Variants in POLN observed in about 807,000 individuals in gnomAD.
The protein encoded by POLN is DNA polymerase nu, also known as DNA polymerase N.
POLN carries 108 observed loss-of-function variants against 113.5 expected under a neutral mutation model. The ratio of observed to expected loss-of-function variants is 0.95; its 90% CI spans 0.81 to 1.12. POLN has a LOEUF of 1.12. Among genes scored for constraint, POLN ranks in the 50% most tolerant of loss-of-function variants. POLN has a pLI of 0.00. For synonymous variants in POLN, 386 were observed against 391.5 expected (o/e 0.99, Z 0.17); for missense variants, 1,097 against 1,077.1 (o/e 1.02, Z -0.26).
intron 7 of POLN, among the ~76,000 whole-genome samples, chr4:2,185,102 C>T (rs931924552): frequency 3.9e-5 from 6 of 152,104 alleles, no homozygotes; most frequent in African/African-American, 1.2e-4. Context: ...TAAATATCAC[C>T]ATGTTGCAAT....
In POLN at chr4:2,090,464, G is replaced by A. The variant is rs1312322360; in HGVS notation, c.2066-4720C>T. The A allele has an allele frequency of 2.1e-5, 12 of 561,584 alleles. No homozygotes were observed. The East Asian group carries it at 3.5e-4, about 16-fold the overall frequency. 34.8% of individuals were successfully genotyped at this position (561,584 alleles called of 1,614,324 possible). A position where few individuals can be genotyped will look rare whatever the true frequency, so the allele number is the denominator to read the frequency against. ...TCTTCATGATCGTATTCTTCTATAG[G>A]CTCAACGGAAGGTTTGTCACGCTGT... On this transcript the variant is annotated intron_variant, in intron 20 of 25. Transcript: ENST00000511885.
intron 16 of POLN, among the ~76,000 whole-genome samples, chr4:2,154,657 G>A (rs911014251): frequency 2.0e-5 from 3 of 152,148 alleles, no homozygotes; most frequent in African/African-American, 7.2e-5. Context: ...TTGCACTATA[G>A]AAATCAACAG....
chr4:2,179,546 A>G lies in POLN; in HGVS notation c.1022-81T>C, dbSNP rs1733081926. On this transcript the variant is annotated intron_variant, in intron 7 of 25. Coordinates refer to ENST00000511885, the MANE Select transcript of POLN (RefSeq NM_181808.4). Reference sequence around the variant, plus strand: ...TGCTTTGACAAAGTTCTTAAGTTCAAACGAATAGTAGTAGTATTGTCATCC... The same window carrying G: ...TGCTTTGACAAAGTTCTTAAGTTCAGACGAATAGTAGTAGTATTGTCATCC... 5 of 1,330,796 alleles carry G rather than the reference A, an allele frequency of 3.8e-6. No homozygotes were observed. In the South Asian group the frequency reaches 6.3e-5, roughly 17 times the overall value. 82.4% of individuals were successfully genotyped at this position (1,330,796 alleles called of 1,614,324 possible).
chr4:2,084,065 G>C (rs943405690), intron 21 of POLN, among the ~76,000 whole-genome samples: 1 of 152,178 alleles, frequency 6.6e-6, no homozygotes, highest in Non-Finnish European at 1.5e-5. Context: ...TGGCTCCTGA[G>C]CTTTTGATGC....
chr4:2,089,544 G>C, intron 20 of POLN: 1 of 1,210,718 alleles, frequency 8.3e-7, no homozygotes, highest in Non-Finnish European at 1.2e-6. Context: ...TGTAATTCTT[G>C]GCACTTTGTT....
chr4:2,241,075 G>T, intron 2 of POLN: 1 of 680,672 alleles, frequency 1.5e-6, no homozygotes, highest in East Asian at 2.7e-5. Context: ...TATATTTTTA[G>T]AATCTATAAT....
chr4:2,235,808 T>A (rs1025953707), intron 2 of POLN, among the ~76,000 whole-genome samples: 7 of 152,056 alleles, frequency 4.6e-5, no homozygotes, highest in African/African-American at 1.7e-4. Context: ...AAGAAAATAA[T>A]GAACAAATTA....
At chr4:2,213,525 T>C (rs1458199019) in intron 3 of POLN, among the ~76,000 whole-genome samples, 1 of 152,176 alleles carries the variant, frequency 6.6e-6, no homozygotes, top group Non-Finnish European at 1.5e-5. Flanking sequence ...TAAAACAAAC[T>C]TCTAATTTAG....
rs1490105388 is a variant in POLN, at chr4:2,126,634, C to T, written c.1982+1479G>A. Among the ~76,000 whole-genome samples the T allele has an allele frequency of 6.6e-6, 1 of 151,992 alleles. No homozygotes were observed. Among genetic ancestry groups the T allele is most frequent in the Non-Finnish European group, 1.5e-5 (1 of 68,000 alleles). ...AGTGGAGACCAGAGAGGAGTGGAGACCAGAGAGGAGCGGCGCCGTGCCCAG... is the reference window on the plus strand; with the variant it reads ...AGTGGAGACCAGAGAGGAGTGGAGATCAGAGAGGAGCGGCGCCGTGCCCAG... On this transcript the variant is annotated intron_variant, in intron 19 of 25. Coordinates refer to ENST00000511885, the MANE Select transcript of POLN (RefSeq NM_181808.4). This position sits in a 1 kb window ranked among gnomAD's most constrained non-coding sequence, Gnocchi z 4.6.
chr4:2,167,420 G>A (rs535265020), intron 13 of POLN, among the ~76,000 whole-genome samples: 4 of 152,252 alleles, frequency 2.6e-5, no homozygotes, highest in African/African-American at 7.2e-5. Flanking sequence ...CTGAGGGGAG[G>A]GAATTCCCAC....
intron 20 of POLN, among the ~76,000 whole-genome samples, chr4:2,086,790 G>C (rs1187835261): frequency 6.6e-6 from 1 of 152,196 alleles, no homozygotes; most frequent in Non-Finnish European, 1.5e-5. Flanking sequence ...GACCAGCAGT[G>C]GTCTTGGCTG....
chr4:2,223,350 T>C (rs61792604), intron 3 of POLN, among the ~76,000 whole-genome samples: 12,627 of 152,034 alleles, frequency 0.083, 786 homozygotes, highest in African/African-American at 0.17. Flanking sequence ...CCCACCTGAG[T>C]TCCGCCTCCT....
rs546861581 is a variant in POLN, at chr4:2,156,306, G to C, written c.1731+482C>G. 36 of 371,464 alleles carry C rather than the reference G, an allele frequency of 9.7e-5. 2 individuals are homozygous for C. The Middle Eastern group carries it at 2.0e-3, about 21-fold the overall frequency. The allele number at this position is 371,464 out of a possible 1,614,324, so 23.0% of individuals were successfully genotyped here. On this transcript the variant is annotated intron_variant, in intron 16 of 25. Coordinates refer to ENST00000511885, the MANE Select transcript of POLN (RefSeq NM_181808.4). ...TGAGTCTTTTTTAGTTCAAAATACAGAGCCATTTAGAAAGTTAAGTGCTTT... is the reference window on the plus strand; with the variant it reads ...TGAGTCTTTTTTAGTTCAAAATACACAGCCATTTAGAAAGTTAAGTGCTTT...
At chr4:2,165,231 A>G (rs1412591822) in intron 13 of POLN, among the ~76,000 whole-genome samples, 2 of 152,256 alleles carry the variant, frequency 1.3e-5, no homozygotes, top group African/African-American at 2.4e-5. Context: ...ACGCAATGGA[A>G]TATTATTCAC....
chr4:2,174,143 T>G lies in POLN; in HGVS notation c.1310-124A>C, dbSNP rs1049959361. The G allele has an allele frequency of 1.5e-5, 13 of 874,084 alleles. No homozygotes were observed. In the African/African-American group the frequency reaches 2.0e-4, roughly 13 times the overall value. 54.1% of individuals were successfully genotyped at this position (874,084 alleles called of 1,614,324 possible). Reference sequence around the variant, plus strand: ...CAACTGCCATTTACTCAGCACCTGCTGCATGCCAACCTCTGCACAGGATCT... The same window carrying G: ...CAACTGCCATTTACTCAGCACCTGCGGCATGCCAACCTCTGCACAGGATCT... On this transcript the variant is annotated intron_variant, in intron 10 of 25. Coordinates refer to ENST00000511885, the MANE Select transcript of POLN (RefSeq NM_181808.4).
rs139428211 is a variant in POLN, at chr4:2,210,007, T to TTATATA, written c.214-1526_214-1521dup. On this transcript the variant is annotated intron_variant, in intron 4 of 25. Transcript: ENST00000511885. ...CTTTATATATATATATAAATTTACT[T>TTATATA]TATATATATATATATATGGCTTTGA... Among the ~76,000 whole-genome samples the TTATATA allele has an allele frequency of 2.9e-3, 417 of 146,160 alleles. 2 individuals are homozygous for TTATATA. Among genetic ancestry groups the TTATATA allele is most frequent in the African/African-American group, 9.8e-3 (393 of 40,122 alleles).
intron 2 of POLN, 58 bp from the exon 3 acceptor site, chr4:2,229,301 A>C: frequency 1.5e-6 from 2 of 1,339,252 alleles, no homozygotes; most frequent in Non-Finnish European, 1.0e-6. Context: ...ACTATAAAAC[A>C]GGAAATACAA....
chr4:2,120,734 A>G (rs1331437909), intron 19 of POLN, among the ~76,000 whole-genome samples: 3 of 152,116 alleles, frequency 2.0e-5, no homozygotes, highest in Non-Finnish European at 4.4e-5. Flanking sequence ...ACCTCAGGTG[A>G]TCCACCCACC....
intron 19 of POLN, among the ~76,000 whole-genome samples, chr4:2,111,105 T>C (rs987059762): frequency 6.6e-5 from 10 of 152,194 alleles, no homozygotes; most frequent in Non-Finnish European, 1.3e-4. Flanking sequence ...TCAATAAACA[T>C]AATCCAGCAT....
Sources: allele counts gnomAD v4.1 joint callset (sites outside exome capture counted in the v4.1 genomes callset), GRCh38; gene constraint gnomAD v4.1.1; non-coding constraint Gnocchi (gnomAD v3.1); transcripts MANE v1.5; gene names NCBI Gene and HGNC (gene_info 2026-07-23, HGNC 2026-07-21).